PPP1R9A: variants seen among roughly 807,000 people sequenced by gnomAD.
The protein encoded by PPP1R9A is neurabin-1.
Under a neutral mutation model 141.9 loss-of-function variants are expected in PPP1R9A, and 59 were observed. The ratio of observed to expected loss-of-function variants is 0.42; its 90% confidence interval spans 0.34 to 0.52. The LOEUF (loss-of-function observed/expected upper bound fraction) is 0.52, where lower values mean the gene tolerates loss of function less well. PPP1R9A is among the 20% of genes least tolerant of loss of function. The pLI is 0.10. For synonymous variants in PPP1R9A, 500 were observed against 569.7 expected, an observed-to-expected ratio of 0.88 and a Z score of 1.74; for missense variants, 1,444 against 1,611.9, an observed-to-expected ratio of 0.90 and a Z score of 1.78.
At chr7:95,219,065 G>A (rs1423255722) in intron 7 of PPP1R9A, among the ~76,000 whole-genome samples, 2 of 152,056 alleles carry the variant, frequency 1.3e-5, no homozygotes, top group African/African-American at 2.4e-5. Flanking sequence ...TCTTAGCCTC[G>A]ATGGTCTTTA....
At chr7:95,175,719 A>G (rs1217762650) in intron 5 of PPP1R9A, among the ~76,000 whole-genome samples, 1 of 152,106 alleles carries the variant, frequency 6.6e-6, no homozygotes, top group African/African-American at 2.4e-5. Flanking sequence ...TAAACTTTAA[A>G]TGCTTTCAAG....
chr7:95,278,244 G>T (rs1231644569), intron 16 of PPP1R9A, among the ~76,000 whole-genome samples: 1 of 152,126 alleles, frequency 6.6e-6, no homozygotes, highest in East Asian at 1.9e-4. Flanking sequence ...CAGTATGGTT[G>T]CCTCTAGTCA....
chr7:94,940,505 A>G (rs1356460568), intron 2 of PPP1R9A, among the ~76,000 whole-genome samples: 1 of 152,048 alleles, frequency 6.6e-6, no homozygotes, highest in Non-Finnish European at 1.5e-5. Flanking sequence ...GATGATGCTA[A>G]TCATAGCTCA....
chr7:95,280,753 C>G (rs996123948), intron 16 of PPP1R9A, among the ~76,000 whole-genome samples: 4 of 151,804 alleles, frequency 2.6e-5, no homozygotes, highest in Non-Finnish European at 5.9e-5. Context: ...TCAGATTCAT[C>G]AAGAGTTCAT....
At position 94,967,424 on chromosome 7, in the gene PPP1R9A, A is replaced by T. The variant is rs745922691; in HGVS notation, c.1395+55916A>T. Among the ~76,000 whole-genome samples, 83 of 152,066 alleles carry T rather than the reference A, an allele frequency of 5.5e-4. 1 individual carries two copies. The highest frequency in any genetic ancestry group is 1.8e-3 in the Admixed American group (28 of 15,286). ...TGTGATGTTAGAGTATCAATTTTAG[A>T]TCTTTCCTGCTTTCTCTTGTGGGCA... On this transcript the variant is annotated intron_variant, in intron 2 of 19. Transcript: ENST00000433360.
intron 5 of PPP1R9A, among the ~76,000 whole-genome samples, chr7:95,167,193 A>G (rs1040596915): frequency 6.6e-6 from 1 of 152,094 alleles, no homozygotes; most frequent in East Asian, 1.9e-4. Flanking sequence ...AGGCAAAGAG[A>G]GAGTGCTTAT....
intron 2 of PPP1R9A, among the ~76,000 whole-genome samples, chr7:94,951,550 C>T (rs1328151644): frequency 2.0e-5 from 3 of 151,758 alleles, no homozygotes; most frequent in African/African-American, 7.3e-5. Flanking sequence ...CATGTTAAAC[C>T]ACTTGAATTC....
chr7:94,981,401 G>A (rs889904399), intron 2 of PPP1R9A, among the ~76,000 whole-genome samples: 7 of 151,970 alleles, frequency 4.6e-5, no homozygotes, highest in African/African-American at 4.8e-5. Context: ...TACCGCAGCC[G>A]GCTAATTTTT....
intron 12 of PPP1R9A, among the ~76,000 whole-genome samples, chr7:95,263,616 G>T (rs1007839462): frequency 6.6e-6 from 1 of 151,966 alleles, no homozygotes; most frequent in Non-Finnish European, 1.5e-5. Context: ...TAGAGACAGG[G>T]TTTCACCATG....
At chr7:95,146,493 T>C (rs146189738) in intron 4 of PPP1R9A, among the ~76,000 whole-genome samples, 2,298 of 152,336 alleles carry the variant, frequency 0.015, 34 homozygotes, top group Middle Eastern at 0.031. Flanking sequence ...AGAAGCTCTT[T>C]AGTTTAATTA....
At chr7:95,196,643 A>T (rs1446063191) in intron 5 of PPP1R9A, among the ~76,000 whole-genome samples, 1 of 152,186 alleles carries the variant, frequency 6.6e-6, no homozygotes, top group African/African-American at 2.4e-5. Context: ...CAAATAACTG[A>T]TACTTACAGC....
chr7:95,026,761 T>G (rs1806901619), intron 2 of PPP1R9A, among the ~76,000 whole-genome samples: 1 of 152,128 alleles, frequency 6.6e-6, no homozygotes, highest in South Asian at 2.1e-4. Context: ...GTTGCTGCCT[T>G]TTTTTCAGAG....
intron 2 of PPP1R9A, among the ~76,000 whole-genome samples, chr7:95,045,518 G>T (rs1225076984): frequency 6.6e-6 from 1 of 152,164 alleles, no homozygotes; most frequent in Non-Finnish European, 1.5e-5. Flanking sequence ...TTTTTCAGTG[G>T]AATGCCCCTG....
chr7:95,234,602 C>G (rs534372655), intron 8 of PPP1R9A, among the ~76,000 whole-genome samples: 119 of 152,212 alleles, frequency 7.8e-4, no homozygotes, highest in Middle Eastern at 3.4e-3. Context: ...GACCATATTG[C>G]AAAAAGCAAT....
chr7:94,912,334 G>A (rs1167805465), intron 2 of PPP1R9A, among the ~76,000 whole-genome samples: 1 of 152,166 alleles, frequency 6.6e-6, no homozygotes, highest in East Asian at 1.9e-4. Context: ...AATGGCAATA[G>A]GGGCAGGAGG....
chr7:95,167,610 C>T lies in PPP1R9A; in HGVS notation c.1754+5639C>T, dbSNP rs145614775. 5.5e-4 allele frequency among the ~76,000 whole-genome samples: 84 copies of T among 152,178 alleles called. No individual in the cohort carries two copies. The East Asian group carries it at 0.014, about 25-fold the overall frequency. ...ATAAGAAAAGAGAATGTCAAACGGTCCCTCTTTTCAGATGATGTGATCTTA... is the reference window on the plus strand; with the variant it reads ...ATAAGAAAAGAGAATGTCAAACGGTTCCTCTTTTCAGATGATGTGATCTTA... On this transcript the variant is annotated intron_variant, in intron 5 of 19. Transcript: ENST00000433360.
intron 2 of PPP1R9A, among the ~76,000 whole-genome samples, chr7:95,010,534 A>G (rs1804267938): frequency 6.6e-6 from 1 of 152,186 alleles, no homozygotes; most frequent in Non-Finnish European, 1.5e-5. Context: ...TTTAAATTTT[A>G]CTTGGTCTTT....
intron 2 of PPP1R9A, among the ~76,000 whole-genome samples, chr7:94,978,356 A>G (rs1340851125): frequency 6.6e-6 from 1 of 152,226 alleles, no homozygotes; most frequent in Non-Finnish European, 1.5e-5. Flanking sequence ...ATTATAGAGT[A>G]GACTAAATTT....
rs1458619749 is a variant in PPP1R9A at position 94,911,237 on chromosome 7, C to T, written c.1124C>T (p.Ser375Phe). The change falls in exon 2 of 20, where the codon TCT (serine) becomes TTT (phenylalanine). Residue 375 changes from serine to phenylalanine, a missense_variant. Ser to Phe is a radical substitution (Grantham distance 155, BLOSUM62 -2). This residue lies in a region of PPP1R9A where 490 missense variants were observed against 521.1 expected (regional missense o/e 0.94). Transcript: ENST00000433360. The part of the protein sequence containing the change: ...AGGDFTSPDA[S>F]ASSCGKEVPE... ...GGTGATTTCACCTCTCCTGATGCTTCTGCATCCAGTTGTGGAAAAGAAGTA... is the reference window on the plus strand; with the variant it reads ...GGTGATTTCACCTCTCCTGATGCTTTTGCATCCAGTTGTGGAAAAGAAGTA... 2 of 1,614,084 alleles carry T rather than the reference C, an allele frequency of 1.2e-6. No homozygotes were observed. The highest frequency in any genetic ancestry group is 4.5e-5 in the East Asian group (2 of 44,896).
Sources: allele counts gnomAD v4.1 joint callset (sites outside exome capture counted in the v4.1 genomes callset), GRCh38; gene constraint gnomAD v4.1.1; regional missense constraint gnomAD v4.1.1; transcripts MANE v1.5; gene names NCBI Gene and HGNC (gene_info 2026-07-23, HGNC 2026-07-21).